Variants in SPOCK1 observed in about 807,000 individuals in gnomAD.
SPOCK1 encodes SPARC (osteonectin), cwcv and kazal like domains proteoglycan 1.
Under a neutral mutation model 55.3 loss-of-function variants are expected in SPOCK1, and 23 were observed. The observed-to-expected ratio is 0.42, with a 90% confidence interval of 0.30 to 0.59. The LOEUF (loss-of-function observed/expected upper bound fraction) is 0.59. Ranked by LOEUF, SPOCK1 falls within the 20% of genes least tolerant of loss-of-function variation. The pLI is 0.22. For missense variants in SPOCK1, 499 were observed against 552.5 expected (o/e 0.90, Z 0.97); for synonymous variants, 226 against 221.0 (o/e 1.02, Z -0.20).
chr5:137,007,450 A>T (rs1430223862), intron 6 of SPOCK1, among the ~76,000 whole-genome samples: 1 of 152,186 alleles, frequency 6.6e-6, no homozygotes, highest in Non-Finnish European at 1.5e-5. Flanking sequence ...TTTATGAGAA[A>T]AAAACAACCC....
At chr5:137,380,730 G>A (rs930623167) in intron 2 of SPOCK1, among the ~76,000 whole-genome samples, 2 of 152,052 alleles carry the variant, frequency 1.3e-5, no homozygotes, top group Non-Finnish European at 2.9e-5. Context: ...CCTACAATCT[G>A]ATCACCTCCC....
intron 2 of SPOCK1, among the ~76,000 whole-genome samples, chr5:137,342,600 T>C (rs749838439): frequency 2.0e-5 from 3 of 152,152 alleles, no homozygotes; most frequent in South Asian, 2.1e-4. Flanking sequence ...TGGTGTTGAA[T>C]GACAGAGACA....
intron 4 of SPOCK1, among the ~76,000 whole-genome samples, chr5:137,130,404 T>C (rs1753851579): frequency 6.6e-6 from 1 of 152,190 alleles, no homozygotes; most frequent in Admixed American, 6.5e-5. Context: ...AAAGAAATTA[T>C]CACAAACTCC....
intron 6 of SPOCK1, among the ~76,000 whole-genome samples, chr5:137,042,180 T>A (rs747463073): frequency 5.3e-5 from 8 of 152,114 alleles, no homozygotes; most frequent in African/African-American, 9.7e-5. Flanking sequence ...ATGAATATTG[T>A]CAAGTGAAAG....
chr5:137,171,967 C>T (rs766457639), intron 3 of SPOCK1, among the ~76,000 whole-genome samples: 3 of 152,204 alleles, frequency 2.0e-5, no homozygotes, highest in Non-Finnish European at 2.9e-5. Context: ...ACGAAACCAC[C>T]ATGAACAATT....
At chr5:137,430,064 G>T (rs1424728755) in intron 2 of SPOCK1, among the ~76,000 whole-genome samples, 1 of 152,188 alleles carries the variant, frequency 6.6e-6, no homozygotes, top group Non-Finnish European at 1.5e-5. Flanking sequence ...TTGAGCAGTT[G>T]CTGCTCCCCC....
chr5:137,246,135 A>G (rs144133389), intron 3 of SPOCK1, among the ~76,000 whole-genome samples: 3 of 152,236 alleles, frequency 2.0e-5, no homozygotes, highest in Admixed American at 6.5e-5. Flanking sequence ...TACTGAGAGG[A>G]AACAGCAGAA....
intron 3 of SPOCK1, among the ~76,000 whole-genome samples, chr5:137,198,918 G>C (rs75666363): frequency 2.6e-5 from 4 of 152,142 alleles, no homozygotes; most frequent in Non-Finnish European, 4.4e-5. Context: ...GGAATGCTAC[G>C]TTAAAGCATT....
chr5:137,498,794 C>A (rs1754368155), intron 1 of SPOCK1, among the ~76,000 whole-genome samples: 1 of 152,194 alleles, frequency 6.6e-6, no homozygotes, highest in South Asian at 2.1e-4. Flanking sequence ...CGTCCAACTA[C>A]AGGGGACCCG....
chr5:137,223,507 G>A (rs1198802283), intron 3 of SPOCK1, among the ~76,000 whole-genome samples: 1 of 152,072 alleles, frequency 6.6e-6, no homozygotes, highest in African/African-American at 2.4e-5. Flanking sequence ...GTAGTTGGCT[G>A]TCTTAATTCC....
intron 2 of SPOCK1, among the ~76,000 whole-genome samples, chr5:137,450,705 C>T (rs541867674): frequency 6.6e-6 from 1 of 152,242 alleles, no homozygotes; most frequent in East Asian, 1.9e-4. Context: ...AAACTGTTCT[C>T]CCTCTTTTTT....
chr5:137,168,638 A>C (rs1754693676), intron 3 of SPOCK1, among the ~76,000 whole-genome samples: 2 of 152,176 alleles, frequency 1.3e-5, no homozygotes, highest in African/African-American at 4.8e-5. Flanking sequence ...CGAAATGCAA[A>C]TCAAAACTAC....
rs916936883 is a variant in SPOCK1 at position 136,977,022 on chromosome 5, G to A, written c.*1632C>T. ...TTTGTGTGGACAGGCTGAAGTTCATGGGGGAAGGCAAGAGATAGATATGTG... is the reference window on the plus strand; with the variant it reads ...TTTGTGTGGACAGGCTGAAGTTCATAGGGGAAGGCAAGAGATAGATATGTG... On this transcript the variant is annotated 3_prime_UTR_variant, in exon 11 of 11. Coordinates refer to ENST00000394945, the MANE Select transcript of SPOCK1 (RefSeq NM_004598.4). 2.0e-5 allele frequency: 3 copies of A among 152,292 alleles called. No homozygotes were observed. The highest frequency in any genetic ancestry group is 7.2e-5 in the African/African-American group (3 of 41,422). The allele number at this position is 152,292 out of a possible 1,614,324, so 9.4% of individuals were successfully genotyped here.
chr5:136,987,422 C>A (rs148275149), intron 8 of SPOCK1, among the ~76,000 whole-genome samples: 1,717 of 152,264 alleles, frequency 0.011, 16 homozygotes, highest in Admixed American at 0.017. Flanking sequence ...TTCAACCTAA[C>A]TCATAAATCA....
chr5:137,325,604 C>T (rs1187095322), intron 2 of SPOCK1, among the ~76,000 whole-genome samples: 1 of 152,240 alleles, frequency 6.6e-6, no homozygotes, highest in Non-Finnish European at 1.5e-5. Context: ...ATCACCCACT[C>T]TGTGCTGGAC....
intron 5 of SPOCK1, among the ~76,000 whole-genome samples, chr5:137,102,674 A>G (rs1257194483): frequency 6.6e-6 from 1 of 152,214 alleles, no homozygotes; most frequent in East Asian, 1.9e-4. Flanking sequence ...CTCTTGAGTC[A>G]GACAGACCAG....
intron 2 of SPOCK1, among the ~76,000 whole-genome samples, chr5:137,346,418 T>C (rs1297540052): frequency 6.6e-6 from 1 of 152,198 alleles, no homozygotes; most frequent in Non-Finnish European, 1.5e-5. Context: ...GACCCCAACC[T>C]GCTTCCAGCT....
intron 5 of SPOCK1, among the ~76,000 whole-genome samples, chr5:137,087,076 T>C (rs1160368786): frequency 6.6e-6 from 1 of 152,216 alleles, no homozygotes; most frequent in South Asian, 2.1e-4. Flanking sequence ...GAAATCCTTG[T>C]AGATATTTGC....
chr5:137,208,053 G>A (rs987533321), intron 3 of SPOCK1, among the ~76,000 whole-genome samples: 1 of 152,032 alleles, frequency 6.6e-6, no homozygotes, highest in Non-Finnish European at 1.5e-5. Flanking sequence ...ACCCACAAAA[G>A]AGCCAGCCTC....
Sources: allele counts gnomAD v4.1 joint callset (sites outside exome capture counted in the v4.1 genomes callset), GRCh38; gene constraint gnomAD v4.1.1; transcripts MANE v1.5; gene names NCBI Gene and HGNC (gene_info 2026-07-23, HGNC 2026-07-21).